The following SLTM variants were observed in gnomAD, a reference collection of about 807,000 sequenced individuals.
SLTM encodes SAFB-like transcription modulator.
SLTM carries 43 observed loss-of-function variants against 134.6 expected under a neutral mutation model. That is an observed-to-expected ratio of 0.32 (90% CI 0.25 to 0.41). The LOEUF is 0.41. Among genes scored for constraint, SLTM ranks in the 10% least tolerant of loss-of-function variants. The probability of loss-of-function intolerance (pLI) is 1.00; values close to 1 mark genes in which losing one functional copy is unlikely to be tolerated. For synonymous variants in SLTM, 424 were observed against 432.3 expected, an observed-to-expected ratio of 0.98 and a Z score of 0.24; for missense variants, 1,055 against 1,288.8, an observed-to-expected ratio of 0.82 and a Z score of 2.78.
intron 5 of SLTM, among the ~76,000 whole-genome samples, chr15:58,910,709 C>T (rs1189092715): frequency 6.7e-6 from 1 of 150,018 alleles, no homozygotes; most frequent in Non-Finnish European, 1.5e-5. Context: ...AAAAGGTACT[C>T]TCTCAATTTG....
At chr15:58,909,592 A>G (rs533591600) in intron 5 of SLTM, among the ~76,000 whole-genome samples, 65 of 152,370 alleles carry the variant, frequency 4.3e-4, no homozygotes, top group African/African-American at 1.4e-3. Context: ...GGTATGAATC[A>G]TCAATGACTG....
At chr15:58,916,385 G>A (rs960617161) in intron 3 of SLTM, among the ~76,000 whole-genome samples, 1 of 152,110 alleles carries the variant, frequency 6.6e-6, no homozygotes, top group Non-Finnish European at 1.5e-5. Flanking sequence ...TGTTGGCCAG[G>A]CTGGTCTCAA....
intron 20 of SLTM, 67 bp downstream of exon 20, chr15:58,883,559 T>A (rs750955672): frequency 6.3e-7 from 1 of 1,588,652 alleles, no homozygotes; most frequent in Non-Finnish European, 8.6e-7. Context: ...TCAGAAACTA[T>A]AATGACTTTT....
In SLTM at chr15:58,899,661, C is replaced by A; in HGVS notation, c.866G>T (p.Ser289Ile). ...PKDGQDAIAQ[S>I]PEKESKDYEM... ...ATAATCCTTGCTTTCCTTCTCCGGGCTCTGTGCAATGGCGTCCTGCCCATC... is the reference window on the plus strand; with the variant it reads ...ATAATCCTTGCTTTCCTTCTCCGGGATCTGTGCAATGGCGTCCTGCCCATC... Residue 289 changes from serine (S) to isoleucine (I), a missense_variant, in exon 7 of 21, where the codon AGC (serine) becomes ATC (isoleucine). Physicochemically the swap from Ser to Ile is moderately radical, Grantham distance 142 (BLOSUM62 -2). This residue lies in a region of SLTM where 776 missense variants were observed against 962.2 expected (regional missense o/e 0.81). Coordinates refer to ENST00000380516, the MANE Select transcript of SLTM (RefSeq NM_024755.4). The surrounding 1 kb of genome is among the most constrained non-coding windows in gnomAD (Gnocchi z 5.0). The A allele has an allele frequency of 6.2e-7, 1 of 1,614,214 alleles. No homozygotes were observed. The highest frequency in any genetic ancestry group is 8.5e-7 in the Non-Finnish European group (1 of 1,180,026).
At chr15:58,911,619 C>T (rs1317372421) in intron 5 of SLTM, among the ~76,000 whole-genome samples, 1 of 152,050 alleles carries the variant, frequency 6.6e-6, no homozygotes, top group African/African-American at 2.4e-5. Flanking sequence ...ATTAAGGACA[C>T]AAAAACAAAG....
intron 4 of SLTM, 73 bp downstream of exon 4, chr15:58,913,426 T>G: frequency 7.9e-7 from 1 of 1,260,368 alleles, no homozygotes; most frequent in Non-Finnish European, 1.1e-6. Flanking sequence ...CAAATTGAAC[T>G]AGAAAAAAAT....
At chr15:58,922,634 ATATAT>A (rs1201812003) in intron 2 of SLTM, among the ~76,000 whole-genome samples, 2 of 147,088 alleles carry the variant, frequency 1.4e-5, no homozygotes, top group Non-Finnish European at 3.0e-5. Flanking sequence ...TGTATAAAAT[ATATAT>A]TATATATTAT....
At chr15:58,904,231 G>A (rs548836906) in intron 5 of SLTM, among the ~76,000 whole-genome samples, 3 of 151,914 alleles carry the variant, frequency 2.0e-5, no homozygotes, top group Middle Eastern at 3.4e-3. Context: ...GGCTGGTCTC[G>A]AACTCCTGAG....
intron 14 of SLTM, 72 bp from the exon 15 acceptor site, chr15:58,890,533 G>T: frequency 6.9e-7 from 1 of 1,446,998 alleles, no homozygotes; most frequent in Non-Finnish European, 9.2e-7. Context: ...CTTTGAATTT[G>T]AATTTTTCCT....
At chr15:58,922,936 G>A (rs1239901502) in intron 2 of SLTM, among the ~76,000 whole-genome samples, 2 of 151,880 alleles carry the variant, frequency 1.3e-5, no homozygotes, top group African/African-American at 4.8e-5. Flanking sequence ...GACTGGTCTC[G>A]AACTCCTGAC....
At chr15:58,890,491 A>C in intron 14 of SLTM, 30 bp from the exon 15 acceptor site, 1 of 1,606,674 alleles carries the variant, frequency 6.2e-7, no homozygotes, top group Non-Finnish European at 8.5e-7. Context: ...AGAAATACTT[A>C]AATTATGCTA....
chr15:58,885,888 G>A (rs2034142402), intron 19 of SLTM, among the ~76,000 whole-genome samples: 3 of 151,864 alleles, frequency 2.0e-5, no homozygotes, highest in Admixed American at 2.0e-4. Context: ...CACACACACT[G>A]CACAATTCTT....
intron 8 of SLTM, chr15:58,898,181 G>A (rs1435255577): frequency 6.6e-6 from 1 of 152,058 alleles, no homozygotes; most frequent in South Asian, 2.1e-4. Flanking sequence ...CATTTAGGAG[G>A]TATTTAAAAG....
In SLTM at chr15:58,887,435, T is replaced by C. The variant is rs761170461; in HGVS notation, c.2481A>G (p.Arg827=). Residue 827 remains arginine, a synonymous_variant, in exon 18 of 21, where the codon AGA becomes AGG. Coordinates refer to ENST00000380516, the MANE Select transcript of SLTM (RefSeq NM_024755.4). ...TTCTTGGTGGTGGAGGCTCATTTCT[T>C]CTGGAGTCACTGAAATTTTTGGGAT... The part of the protein sequence containing the change: ...ERYPKNFSDS[R]RNEPPPPRNE... The C allele has an allele frequency of 1.2e-6, 2 of 1,614,152 alleles. No homozygotes were observed. The highest frequency in any genetic ancestry group is 1.7e-6 in the Non-Finnish European group (2 of 1,180,032).
Position 58,880,786 on chromosome 15 carries a change from G to T in SLTM, c.2997-679C>A, listed in dbSNP as rs569911448. Among the ~76,000 whole-genome samples, 95 of 152,038 alleles carry T rather than the reference G, an allele frequency of 6.2e-4. 1 individual carries two copies. In the Middle Eastern group the frequency reaches 0.051, roughly 82 times the overall value. Reference sequence around the variant, plus strand: ...GCGCCATGTTGGCCAGGCTGGTCTTGAACTCCTGGGCTCAAAAGATCTGCC... The same window carrying T: ...GCGCCATGTTGGCCAGGCTGGTCTTTAACTCCTGGGCTCAAAAGATCTGCC... On this transcript the variant is annotated intron_variant, in intron 20 of 20. Transcript: ENST00000380516.
chr15:58,917,556 C>T (rs2036732550), intron 2 of SLTM, among the ~76,000 whole-genome samples: 1 of 152,170 alleles, frequency 6.6e-6, no homozygotes, highest in Non-Finnish European at 1.5e-5. Context: ...ACAGTGACTA[C>T]TTTTATGCTA....
intron 3 of SLTM, among the ~76,000 whole-genome samples, chr15:58,915,291 G>T (rs1439560518): frequency 1.3e-5 from 2 of 152,156 alleles, no homozygotes; most frequent in African/African-American, 4.8e-5. Flanking sequence ...TAACACAAAA[G>T]CATCCTTTGT....
chr15:58,883,314 C>CA (rs1475860321), intron 20 of SLTM, among the ~76,000 whole-genome samples: 12 of 151,920 alleles, frequency 7.9e-5, no homozygotes, highest in Admixed American at 2.6e-4. Context: ...GACTCCATCT[C>CA]AAAAAACAAA....
intron 9 of SLTM, among the ~76,000 whole-genome samples, chr15:58,896,237 A>G (rs1053674310): frequency 1.3e-5 from 2 of 152,030 alleles, no homozygotes; most frequent in African/African-American, 4.8e-5. Context: ...CTTTTCCTTC[A>G]CAAGACTTAT....
Sources: allele counts gnomAD v4.1 joint callset (sites outside exome capture counted in the v4.1 genomes callset), GRCh38; gene constraint gnomAD v4.1.1; regional missense constraint gnomAD v4.1.1; non-coding constraint Gnocchi (gnomAD v3.1); transcripts MANE v1.5; gene names NCBI Gene and HGNC (gene_info 2026-07-23, HGNC 2026-07-21).